The following NRXN1 variants were observed in gnomAD, a reference collection of about 807,000 sequenced individuals.
NRXN1 encodes the protein neurexin-1.
Under a neutral mutation model 150.9 loss-of-function variants are expected in NRXN1, and 39 were observed. That is an observed-to-expected ratio of 0.26 (90% CI 0.20 to 0.34). The LOEUF is 0.34. Ranked by LOEUF, NRXN1 falls within the 10% of genes least tolerant of loss-of-function variation. The probability of loss-of-function intolerance (pLI) is 1.00; values close to 1 mark genes in which losing one functional copy is unlikely to be tolerated. For synonymous variants in NRXN1, 924 were observed against 757.0 expected (o/e 1.22, Z -3.62); for missense variants, 1,815 against 1,949.9 (o/e 0.93, Z 1.30).
intron 2 of NRXN1, among the ~76,000 whole-genome samples, chr2:50,979,983 TA>T (rs1383902363): frequency 6.6e-6 from 1 of 152,106 alleles, no homozygotes; most frequent in African/African-American, 2.4e-5. Context: ...ATTAAATTGC[TA>T]CAACTAACAG....
intron 18 of NRXN1, among the ~76,000 whole-genome samples, chr2:50,184,314 G>C (rs993632899): frequency 3.3e-5 from 5 of 151,718 alleles, no homozygotes; most frequent in African/African-American, 7.3e-5. Context: ...ACATTTTCAG[G>C]GCCGAAATAA....
At chr2:50,156,505 A>T (rs1426457592) in intron 18 of NRXN1, among the ~76,000 whole-genome samples, 1 of 151,972 alleles carries the variant, frequency 6.6e-6, no homozygotes, top group East Asian at 1.9e-4. Context: ...GGTTACCTCA[A>T]TGTTCAAACA....
chr2:50,686,854 G>A (rs780762359), intron 5 of NRXN1, among the ~76,000 whole-genome samples: 1 of 152,172 alleles, frequency 6.6e-6, no homozygotes, highest in Non-Finnish European at 1.5e-5. Context: ...ATGTAAATGG[G>A]AATTAATGTC....
In NRXN1 at chr2:50,506,543, G is replaced by A. The variant is rs768273115; in HGVS notation, c.2449C>T (p.Arg817Cys). ...ACTGTTAACTTTAAACTTTTTCCACGCCGAACTACACGCACTGTGTGCCAC... is the reference window on the plus strand; with the variant it reads ...ACTGTTAACTTTAAACTTTTTCCACACCGAACTACACGCACTGTGTGCCAC... ...NEWHTVRVVR[R>C]GKSLKLTVDD... Residue 817 changes from arginine (R) to cysteine (C), a missense_variant, in exon 13 of 23, where the codon CGT becomes TGT. Transcript: ENST00000401669. 5 of 1,612,692 alleles carry A rather than the reference G, an allele frequency of 3.1e-6. No individual in the cohort carries two copies. The highest frequency in any genetic ancestry group is 1.1e-5 in the South Asian group (1 of 91,008).
chr2:50,184,249 C>G (rs553143865), intron 18 of NRXN1, among the ~76,000 whole-genome samples: 64 of 152,090 alleles, frequency 4.2e-4, no homozygotes, highest in Non-Finnish European at 8.1e-4. Context: ...AACAATATCT[C>G]TAGATCACAC....
At chr2:50,829,374 C>G in intron 5 of NRXN1, 4 of 1,015,006 alleles carry the variant, frequency 3.9e-6, no homozygotes. Context: ...GTGATCCGCC[C>G]GCCTCGGGCT....
chr2:50,426,294 T>C (rs1291669697), intron 17 of NRXN1, among the ~76,000 whole-genome samples: 2 of 152,214 alleles, frequency 1.3e-5, no homozygotes, highest in East Asian at 3.9e-4. Context: ...AGAGATTGTA[T>C]AGGTGAATGA....
chr2:50,005,659 A>G (rs1684643378), intron 21 of NRXN1, among the ~76,000 whole-genome samples: 1 of 152,148 alleles, frequency 6.6e-6, no homozygotes, highest in Non-Finnish European at 1.5e-5. Context: ...AGAGCTTCCC[A>G]TTACCTAGAG....
intron 22 of NRXN1, among the ~76,000 whole-genome samples, chr2:49,935,957 T>G (rs1255822090): frequency 6.6e-6 from 1 of 152,198 alleles, no homozygotes; most frequent in African/African-American, 2.4e-5. Context: ...CTTCCAAAGC[T>G]CAACAGGACA....
chr2:50,016,097 T>C (rs1283315593), intron 21 of NRXN1, among the ~76,000 whole-genome samples: 1 of 152,172 alleles, frequency 6.6e-6, no homozygotes, highest in Non-Finnish European at 1.5e-5. Flanking sequence ...ATTTTATTTT[T>C]TATTTTAACA....
intron 18 of NRXN1, among the ~76,000 whole-genome samples, chr2:50,197,945 G>A (rs1289191038): frequency 6.6e-6 from 1 of 152,104 alleles, no homozygotes; most frequent in Admixed American, 6.6e-5. Context: ...AACAGAAAAA[G>A]AAATTCCAGT....
At chr2:50,184,961 T>C (rs946508498) in intron 18 of NRXN1, among the ~76,000 whole-genome samples, 11 of 152,104 alleles carry the variant, frequency 7.2e-5, no homozygotes, top group Admixed American at 6.6e-4. Flanking sequence ...CCTTCCTCTT[T>C]AGCGCCACGT....
intron 8 of NRXN1, among the ~76,000 whole-genome samples, chr2:50,610,895 C>G (rs558726463): frequency 6.7e-6 from 1 of 148,992 alleles, no homozygotes; most frequent in Admixed American, 6.9e-5. Context: ...TAGGTTTAAG[C>G]AAGCACGTTT....
At chr2:50,399,668 A>G (rs2082268847) in intron 17 of NRXN1, among the ~76,000 whole-genome samples, 1 of 151,670 alleles carries the variant, frequency 6.6e-6, no homozygotes, top group Non-Finnish European at 1.5e-5. Context: ...GGCTCTCACC[A>G]CTAAGTCATG....
At position 50,603,919 on chromosome 2, in the gene NRXN1, C is replaced by T. The variant is rs376926792; in HGVS notation, c.1320+16103G>A. On this transcript the variant is annotated intron_variant, in intron 8 of 22. Transcript: ENST00000401669. The stretch of plus-strand genomic sequence containing the variant: ...TTTGTTAGTTCCTTCATGCTTCCGA[C>T]CACTCAAGCTCCCCACTCCTTTTCA... 1.9e-4 allele frequency among the ~76,000 whole-genome samples: 29 copies of T among 152,274 alleles called. No homozygotes were observed. The East Asian group carries it at 1.9e-3, about 10-fold the overall frequency.
chr2:50,962,185 T>C (rs114935278), intron 2 of NRXN1, among the ~76,000 whole-genome samples: 2,866 of 151,810 alleles, frequency 0.019, 94 homozygotes, highest in African/African-American at 0.066. Context: ...GGCATGCCAA[T>C]GTATTCTACA....
At chr2:50,861,104 G>A (rs1290356320) in intron 5 of NRXN1, among the ~76,000 whole-genome samples, 1 of 152,066 alleles carries the variant, frequency 6.6e-6, no homozygotes, top group Non-Finnish European at 1.5e-5. Flanking sequence ...GGTAGAACAT[G>A]CCAAGTTAGA....
chr2:50,812,750 G>T (rs187759175), intron 5 of NRXN1, among the ~76,000 whole-genome samples: 3 of 148,916 alleles, frequency 2.0e-5, no homozygotes, highest in Non-Finnish European at 3.0e-5. Flanking sequence ...GTGAGCGCAT[G>T]TGTGTGTGTG....
chr2:50,763,380 A>G (rs1574393364), intron 5 of NRXN1, among the ~76,000 whole-genome samples: 2 of 152,092 alleles, frequency 1.3e-5, no homozygotes, highest in East Asian at 3.9e-4. Context: ...CTGTAAAACA[A>G]CAATGACTAT....
Sources: gnomAD v4.1 joint callset for allele counts (sites outside exome capture counted in the v4.1 genomes callset) on GRCh38, gnomAD v4.1.1 for gene constraint, MANE v1.5 for transcripts, NCBI Gene and HGNC (gene_info 2026-07-23, HGNC 2026-07-21) for gene names.